Variants in TAB2 observed in about 807,000 individuals in gnomAD.
TAB2 encodes the protein TGF-beta activated kinase 1 (MAP3K7) binding protein 2, also known as TGF-beta-activated kinase 1 and MAP3K7-binding protein 2.
Under a neutral mutation model 65.0 loss-of-function variants are expected in TAB2, and 3 were observed. The observed-to-expected ratio is 0.05, with a 90% confidence interval of 0.02 to 0.12. The LOEUF is 0.12. TAB2 is among the 10% of genes least tolerant of loss of function. TAB2 has a pLI of 1.00. For missense variants in TAB2, 623 were observed against 840.3 expected (o/e 0.74, Z 3.20); for synonymous variants, 298 against 285.1 (o/e 1.05, Z -0.46).
chr6:149,392,340 C>T (rs1440431163), intron 3 of TAB2, among the ~76,000 whole-genome samples: 1 of 152,132 alleles, frequency 6.6e-6, no homozygotes, highest in Admixed American at 6.5e-5. Flanking sequence ...TAGAGTTTCA[C>T]CATGTGGGCC....
At chr6:149,351,472 A>G (rs1414077175) in intron 1 of TAB2, among the ~76,000 whole-genome samples, 1 of 152,218 alleles carries the variant, frequency 6.6e-6, no homozygotes, top group East Asian at 1.9e-4. Context: ...TGTTGTCACT[A>G]ATCCTTGAAG....
intron 3 of TAB2, among the ~76,000 whole-genome samples, chr6:149,391,202 G>A (rs1781971411): frequency 6.6e-6 from 1 of 152,114 alleles, no homozygotes; most frequent in Admixed American, 6.5e-5. Flanking sequence ...TTATCACTGA[G>A]GAAATCTGGT....
intron 1 of TAB2, among the ~76,000 whole-genome samples, chr6:149,292,216 G>A (rs188265857): frequency 2.0e-5 from 3 of 152,282 alleles, no homozygotes; most frequent in Admixed American, 2.0e-4. Context: ...GAGGCATAAT[G>A]CCTCTGATTA....
At chr6:149,246,917 CAG>C (rs2114648959) in intron 1 of TAB2, 1 of 152,530 alleles carries the variant, frequency 6.6e-6, no homozygotes, top group Non-Finnish European at 1.5e-5. Flanking sequence ...TAAAACCAAA[CAG>C]AAAGTGCCTG....
chr6:149,388,954 CT>C (rs61577861), intron 3 of TAB2, among the ~76,000 whole-genome samples: 45,738 of 113,334 alleles, frequency 0.4, 6,287 homozygotes, highest in East Asian at 0.57. Flanking sequence ...TAACAGAAAT[CT>C]TTTTTTTTTT....
Position 149,284,783 on chromosome 6 carries a change from CT to C in TAB2, c.-121+66008del, listed in dbSNP as rs755487124. 2.3e-3 allele frequency among the ~76,000 whole-genome samples: 345 copies of C among 152,130 alleles called. 1 individual carries two copies. The highest frequency in any genetic ancestry group is 2.2e-3 in the Non-Finnish European group (152 of 68,004). ...TCTAGCTGCTACACTGCTAGAAAAA[CT>C]ACCCTAAATTAACATCTAAAGAACT... On this transcript the variant is annotated intron_variant, in intron 1 of 1. Transcript: ENST00000606202.
At chr6:149,324,541 C>CA (rs1779542952) in intron 1 of TAB2, among the ~76,000 whole-genome samples, 1 of 152,072 alleles carries the variant, frequency 6.6e-6, no homozygotes, top group Non-Finnish European at 1.5e-5. Context: ...TGCTTCCTGT[C>CA]AGTTTGCCAG....
At chr6:149,248,975 AG>A (rs980577243) in intron 1 of TAB2, among the ~76,000 whole-genome samples, 1 of 152,102 alleles carries the variant, frequency 6.6e-6, no homozygotes, top group Non-Finnish European at 1.5e-5. Flanking sequence ...ATACACACAG[AG>A]GCCAAATTAC....
intron 1 of TAB2, among the ~76,000 whole-genome samples, chr6:149,263,970 C>T (rs1219609506): frequency 1.3e-5 from 2 of 152,198 alleles, no homozygotes; most frequent in East Asian, 3.8e-4. Flanking sequence ...CAGACTGCCT[C>T]CTGCCAGCTC....
At chr6:149,316,999 G>A (rs1245572100), upstream of TAB2, among the ~76,000 whole-genome samples, 2 of 150,884 alleles carry the variant, frequency 1.3e-5, no homozygotes, top group Non-Finnish European at 3.0e-5. Context: ...AGCCTCCGCC[G>A]CGGGCCCACC....
At chr6:149,256,315 TG>T (rs1200148623) in intron 1 of TAB2, among the ~76,000 whole-genome samples, 7 of 152,322 alleles carry the variant, frequency 4.6e-5, no homozygotes, top group African/African-American at 1.4e-4. Flanking sequence ...TAGAATTGTA[TG>T]GGTGGAATGT....
At chr6:149,275,125 GTT>G (rs370658789) in intron 1 of TAB2, among the ~76,000 whole-genome samples, 1 of 67,848 alleles carries the variant, frequency 1.5e-5, no homozygotes, top group Non-Finnish European at 2.7e-5. Flanking sequence ...CTCTTCTTCT[GTT>G]TTTTTTTTTT....
At chr6:149,328,327 C>G (rs113982947) in intron 1 of TAB2, among the ~76,000 whole-genome samples, 4 of 152,208 alleles carry the variant, frequency 2.6e-5, no homozygotes, top group Non-Finnish European at 5.9e-5. Flanking sequence ...GGAGTCTGCT[C>G]TGTCCCTCAG....
At chr6:149,233,850 G>A (rs770564193) in intron 1 of TAB2, among the ~76,000 whole-genome samples, 8 of 152,022 alleles carry the variant, frequency 5.3e-5, no homozygotes, top group Non-Finnish European at 1.0e-4. Context: ...ATCCATAACG[G>A]GCTCTCCATA....
chr6:149,245,432 T>C (rs999956644), intron 1 of TAB2: 2 of 152,220 alleles, frequency 1.3e-5, no homozygotes, highest in Non-Finnish European at 2.9e-5. Flanking sequence ...TAGTTTTATA[T>C]TATAGAATAG....
At chr6:149,393,522 A>G (rs1285785311) in intron 3 of TAB2, among the ~76,000 whole-genome samples, 2 of 152,280 alleles carry the variant, frequency 1.3e-5, no homozygotes, top group African/African-American at 4.8e-5. Context: ...CAAGTCTCCT[A>G]AATCATCATT....
chr6:149,289,024 A>C (rs185776781), intron 1 of TAB2, among the ~76,000 whole-genome samples: 1 of 151,732 alleles, frequency 6.6e-6, no homozygotes, highest in East Asian at 1.9e-4. Flanking sequence ...TGCCCAGCTA[A>C]TTTTTTGTAT....
chr6:149,355,968 T>C (rs1330505312), intron 1 of TAB2, among the ~76,000 whole-genome samples: 1 of 152,178 alleles, frequency 6.6e-6, no homozygotes, highest in Non-Finnish European at 1.5e-5. Flanking sequence ...AAAAAAAACT[T>C]ATTTTTCCAT....
intron 1 of TAB2, among the ~76,000 whole-genome samples, chr6:149,268,379 G>T (rs1329599983): frequency 6.6e-6 from 1 of 152,168 alleles, no homozygotes; most frequent in Non-Finnish European, 1.5e-5. Flanking sequence ...ATTCTGAGTG[G>T]CCATGAGCCC....
Sources: allele counts gnomAD v4.1 joint callset (sites outside exome capture counted in the v4.1 genomes callset), GRCh38; gene constraint gnomAD v4.1.1; transcripts MANE v1.5; gene names NCBI Gene and HGNC (gene_info 2026-07-23, HGNC 2026-07-21).